Variants in LCLAT1 observed in about 807,000 individuals in gnomAD.
The protein encoded by LCLAT1 is lysocardiolipin acyltransferase 1.
LCLAT1 carries 11 observed loss-of-function variants against 30.7 expected under a neutral mutation model. The observed-to-expected ratio is 0.36, with a 90% CI of 0.23 to 0.59. The LOEUF (loss-of-function observed/expected upper bound fraction) is 0.59. Among genes scored for constraint, LCLAT1 ranks in the 20% least tolerant of loss-of-function variants. The pLI is 0.77. For synonymous variants in LCLAT1, 155 were observed against 151.3 expected (o/e 1.02, Z -0.18); for missense variants, 402 against 458.6 (o/e 0.88, Z 1.13).
intron 1 of LCLAT1, among the ~76,000 whole-genome samples, chr2:30,478,366 G>C (rs533253596): frequency 2.6e-4 from 39 of 152,286 alleles, no homozygotes; most frequent in African/African-American, 9.1e-4. Context: ...TAAATGCAGA[G>C]TTTTAGCATG....
chr2:30,481,390 G>A (rs1375343157), intron 1 of LCLAT1, among the ~76,000 whole-genome samples: 1 of 152,158 alleles, frequency 6.6e-6, no homozygotes, highest in Admixed American at 6.5e-5. Context: ...GGAAGAGGGA[G>A]GAGGAAAAGG....
intron 1 of LCLAT1, among the ~76,000 whole-genome samples, chr2:30,447,727 C>T (rs1378230848): frequency 2.0e-5 from 3 of 152,232 alleles, no homozygotes; most frequent in Non-Finnish European, 4.4e-5. Flanking sequence ...TCAAAACCTT[C>T]CTCCTGCGAC....
chr2:30,614,977 G>C (rs912429709), intron 5 of LCLAT1, among the ~76,000 whole-genome samples: 1 of 152,130 alleles, frequency 6.6e-6, no homozygotes, highest in Admixed American at 6.6e-5. Context: ...ACCGAGGACA[G>C]TTCTGGTGGA....
intron 1 of LCLAT1, among the ~76,000 whole-genome samples, chr2:30,491,444 C>T (rs1558472651): frequency 6.6e-6 from 1 of 152,110 alleles, no homozygotes; most frequent in Admixed American, 6.5e-5. Context: ...CATTGTTAGT[C>T]GAGTGAGTAA....
intron 3 of LCLAT1, among the ~76,000 whole-genome samples, chr2:30,536,155 T>C (rs1217486052): frequency 6.6e-6 from 1 of 152,180 alleles, no homozygotes; most frequent in Non-Finnish European, 1.5e-5. Context: ...TGGAACATCA[T>C]TAAGCGATCA....
intron 3 of LCLAT1, among the ~76,000 whole-genome samples, chr2:30,553,171 G>T (rs1380257862): frequency 6.6e-6 from 1 of 152,052 alleles, no homozygotes; most frequent in African/African-American, 2.4e-5. Context: ...AAAAAAAGTT[G>T]TGAAAAGGCT....
intron 1 of LCLAT1, among the ~76,000 whole-genome samples, chr2:30,518,469 C>T (rs1459223089): frequency 2.6e-5 from 4 of 152,174 alleles, no homozygotes; most frequent in Non-Finnish European, 5.9e-5. Context: ...CTTACAGAAC[C>T]AGGAAGGAAC....
intron 5 of LCLAT1, chr2:30,606,302 A>G: frequency 3.4e-6 from 1 of 298,342 alleles, no homozygotes; most frequent in South Asian, 2.6e-5. Context: ...CAAAAAGAAC[A>G]CAGCTGGAGG....
At chr2:30,485,182 G>A (rs760256117) in intron 1 of LCLAT1, among the ~76,000 whole-genome samples, 2 of 152,238 alleles carry the variant, frequency 1.3e-5, no homozygotes, top group Non-Finnish European at 2.9e-5. Context: ...ATTAACTTTA[G>A]GAATTATCAG....
intron 3 of LCLAT1, among the ~76,000 whole-genome samples, chr2:30,535,580 G>T (rs1037089643): frequency 1.3e-5 from 2 of 152,184 alleles, no homozygotes; most frequent in African/African-American, 4.8e-5. Flanking sequence ...ATCATATGGA[G>T]TCTATATTAC....
intron 1 of LCLAT1, among the ~76,000 whole-genome samples, chr2:30,475,309 A>G (rs1682993682): frequency 6.6e-6 from 1 of 152,274 alleles, no homozygotes; most frequent in South Asian, 2.1e-4. Context: ...AGTCTTATGG[A>G]AACTTATAAT....
chr2:30,453,152 A>G (rs1489754961), intron 1 of LCLAT1, among the ~76,000 whole-genome samples: 1 of 152,210 alleles, frequency 6.6e-6, no homozygotes, highest in Non-Finnish European at 1.5e-5. Flanking sequence ...TATATAGTTC[A>G]TTCCCTCGGG....
intron 5 of LCLAT1, among the ~76,000 whole-genome samples, chr2:30,601,971 C>T (rs902646280): frequency 2.0e-5 from 3 of 151,784 alleles, no homozygotes; most frequent in African/African-American, 4.8e-5. Flanking sequence ...GAGAACAAAT[C>T]ACATTTGGGG....
At chr2:30,515,759 A>G (rs1005468563) in intron 1 of LCLAT1, among the ~76,000 whole-genome samples, 2 of 152,238 alleles carry the variant, frequency 1.3e-5, no homozygotes, top group African/African-American at 2.4e-5. Context: ...ACAAAACATG[A>G]TACTAAATTG....
chr2:30,583,614 T>C lies in LCLAT1; in HGVS notation c.628+15438T>C, dbSNP rs146662980. On this transcript the variant is annotated intron_variant, in intron 5 of 5. Coordinates refer to ENST00000379509, the MANE Select transcript of LCLAT1 (RefSeq NM_001002257.3). ...ATAAAACCCTTAGCTTCCAGGTCCATCTGCTGAAATTGTCCGAATTTGGCC... is the reference window on the plus strand; with the variant it reads ...ATAAAACCCTTAGCTTCCAGGTCCACCTGCTGAAATTGTCCGAATTTGGCC... 3.2e-3 allele frequency among the ~76,000 whole-genome samples: 492 copies of C among 152,330 alleles called. 5 individuals carry two copies. The highest frequency in any genetic ancestry group is 0.01 in the African/African-American group (431 of 41,566).
chr2:30,529,076 T>C (rs1685870673), intron 2 of LCLAT1, among the ~76,000 whole-genome samples: 1 of 152,226 alleles, frequency 6.6e-6, no homozygotes, highest in Admixed American at 6.5e-5. Flanking sequence ...AAAGCTTTTC[T>C]TCTATCCCTT....
rs929912639 is a variant in LCLAT1, at chr2:30,643,822, C to G, written c.*3203C>G. 1.3e-5 allele frequency: 2 copies of G among 152,580 alleles called. No individual in the cohort carries two copies. Among genetic ancestry groups the G allele is most frequent in the South Asian group, 2.1e-4 (1 of 4,828 alleles). 9.5% of individuals were successfully genotyped at this position (152,580 alleles called of 1,614,324 possible). A position where few individuals can be genotyped will look rare whatever the true frequency, so the allele number is the denominator to read the frequency against. ...GGATTCTGTAGTATGTAGTGTGTTT[C>G]TTAGGTAAAGTCTCTTTTTGCTACT... On this transcript the variant is annotated 3_prime_UTR_variant, in exon 6 of 6. Coordinates refer to ENST00000379509, the MANE Select transcript of LCLAT1 (RefSeq NM_001002257.3).
chr2:30,451,164 G>T (rs995673452), intron 1 of LCLAT1, among the ~76,000 whole-genome samples: 6 of 152,184 alleles, frequency 3.9e-5, no homozygotes, highest in African/African-American at 1.4e-4. Flanking sequence ...ACAATAATGA[G>T]ATACTGCTAT....
At chr2:30,623,831 TGAAA>T (rs998863099) in intron 5 of LCLAT1, among the ~76,000 whole-genome samples, 17 of 152,120 alleles carry the variant, frequency 1.1e-4, no homozygotes, top group East Asian at 1.9e-4. Flanking sequence ...GAAGTCAAGA[TGAAA>T]GAAAGAATCT....
Sources: allele counts gnomAD v4.1 joint callset (sites outside exome capture counted in the v4.1 genomes callset), GRCh38; gene constraint gnomAD v4.1.1; transcripts MANE v1.5; gene names NCBI Gene and HGNC (gene_info 2026-07-23, HGNC 2026-07-21).